PTAR1: variants seen among roughly 807,000 people sequenced by gnomAD.
PTAR1 encodes protein prenyltransferase alpha subunit repeat-containing protein 1.
PTAR1 carries 17 observed loss-of-function variants against 45.5 expected under a neutral mutation model. The observed-to-expected ratio is 0.37, with a 90% confidence interval of 0.26 to 0.56. The LOEUF is 0.56. PTAR1 is among the 20% of genes least tolerant of loss of function. PTAR1 has a pLI of 0.77. For missense variants in PTAR1, 391 were observed against 476.3 expected (o/e 0.82, Z 1.67); for synonymous variants, 169 against 171.3 (o/e 0.99, Z 0.11).
At chr9:69,722,170 G>C (rs1339123308) in intron 6 of PTAR1, among the ~76,000 whole-genome samples, 1 of 152,202 alleles carries the variant, frequency 6.6e-6, no homozygotes, top group Admixed American at 6.5e-5. Context: ...AGACAGACTA[G>C]ACTGGAGAAA....
chr9:69,725,925 C>T (rs535826380), intron 5 of PTAR1, among the ~76,000 whole-genome samples: 11 of 152,124 alleles, frequency 7.2e-5, no homozygotes, highest in Non-Finnish European at 1.5e-4. Context: ...CTTTCTTTTC[C>T]TACTTCCATA....
intron 6 of PTAR1, among the ~76,000 whole-genome samples, chr9:69,722,433 C>T (rs1301279125): frequency 6.6e-6 from 1 of 152,158 alleles, no homozygotes; most frequent in Non-Finnish European, 1.5e-5. Context: ...AGGTTGCTAA[C>T]CCTTTTTCAC....
intron 2 of PTAR1, among the ~76,000 whole-genome samples, chr9:69,746,919 T>C (rs1419477037): frequency 1.3e-5 from 2 of 152,202 alleles, no homozygotes; most frequent in Non-Finnish European, 2.9e-5. Flanking sequence ...CATCTAGAAA[T>C]AAATTCAAGG....
intron 2 of PTAR1, among the ~76,000 whole-genome samples, chr9:69,744,743 T>C (rs189086896): frequency 8.5e-5 from 13 of 152,308 alleles, no homozygotes; most frequent in African/African-American, 3.1e-4. Flanking sequence ...TCCTCTTAAC[T>C]GGACCACAAA....
chr9:69,718,412 G>C lies in PTAR1; in HGVS notation c.1139C>G (p.Thr380Ser), dbSNP rs766744781. The C allele has an allele frequency of 1.9e-6, 3 of 1,613,432 alleles. No homozygotes were observed. The highest frequency in any genetic ancestry group is 8.5e-7 in the Non-Finnish European group (1 of 1,179,628). Residue 380 changes from threonine (T) to serine (S), a missense_variant, in exon 8 of 8, where the codon ACC becomes AGC. By Grantham distance (58) the Thr-to-Ser change is moderately conservative (BLOSUM62 1). Coordinates refer to ENST00000340434, the MANE Select transcript of PTAR1 (RefSeq NM_001099666.2). Reference sequence around the variant, plus strand: ...CCTGGCTTGCTCCACGTTCCGACAGGTGGACAATACTTGATCAATGAACCT... The same window carrying C: ...CCTGGCTTGCTCCACGTTCCGACAGCTGGACAATACTTGATCAATGAACCT... ...EHRFIDQVLS[T>S]CRNVEQARFA...
chr9:69,752,416 G>A (rs564225873), intron 1 of PTAR1, among the ~76,000 whole-genome samples: 3 of 152,118 alleles, frequency 2.0e-5, no homozygotes, highest in Admixed American at 6.5e-5. Flanking sequence ...GTGGCACAGG[G>A]ATTTATCAAT....
chr9:69,722,285 C>A (rs1017175232), intron 6 of PTAR1, among the ~76,000 whole-genome samples: 1 of 152,090 alleles, frequency 6.6e-6, no homozygotes, highest in African/African-American at 2.4e-5. Context: ...AATGCTATGG[C>A]CTAAAGTAGA....
At chr9:69,734,339 T>C in intron 3 of PTAR1, 85 bp from the exon 4 acceptor site, 1 of 608,152 alleles carries the variant, frequency 1.6e-6, no homozygotes. Flanking sequence ...TTTAATATAA[T>C]CTCATTGTGA....
chr9:69,747,060 T>C (rs1026419745), intron 2 of PTAR1, among the ~76,000 whole-genome samples: 4 of 152,202 alleles, frequency 2.6e-5, no homozygotes, highest in East Asian at 3.8e-4. Context: ...ACAGAATCAA[T>C]AGCTAGACTA....
At chr9:69,755,499 C>A (rs887046008) in intron 1 of PTAR1, among the ~76,000 whole-genome samples, 2 of 152,168 alleles carry the variant, frequency 1.3e-5, no homozygotes, top group Non-Finnish European at 2.9e-5. Context: ...ACCAGCTTAC[C>A]TTCTGGGAGG....
intron 2 of PTAR1, 127 bp from the exon 3 acceptor site, chr9:69,741,985 T>G (rs991525024): frequency 1.6e-6 from 1 of 624,802 alleles, no homozygotes; most frequent in African/African-American, 1.8e-5. Context: ...CATACTAACT[T>G]TAATGATAAA....
At chr9:69,756,257 C>T (rs1826771726) in intron 1 of PTAR1, among the ~76,000 whole-genome samples, 1 of 152,052 alleles carries the variant, frequency 6.6e-6, no homozygotes, top group Non-Finnish European at 1.5e-5. Flanking sequence ...TTTCTTCACC[C>T]CTCATGTCTC....
At chr9:69,755,030 T>C (rs1373413076) in intron 1 of PTAR1, among the ~76,000 whole-genome samples, 2 of 152,200 alleles carry the variant, frequency 1.3e-5, no homozygotes, top group Non-Finnish European at 2.9e-5. Flanking sequence ...ATATCTCTAG[T>C]TATTTCTTTA....
In PTAR1 at chr9:69,754,529, T is replaced by C. The variant is rs545255184; in HGVS notation, c.87-3579A>G. Among the ~76,000 whole-genome samples, 527 of 137,010 alleles carry C rather than the reference T, an allele frequency of 3.8e-3. 5 individuals are homozygous for C. Among genetic ancestry groups the C allele is most frequent in the African/African-American group, 0.014 (500 of 36,082 alleles). 89.9% of individuals were successfully genotyped at this position (137,010 alleles called of 152,430 possible). On this transcript the variant is annotated intron_variant, in intron 1 of 7. Transcript: ENST00000340434. ...TTTGCTATTAACATGTTTGGGTATA[T>C]ATCTTTTTTTTTTTTTTTTTTTTTT...
intron 5 of PTAR1, among the ~76,000 whole-genome samples, chr9:69,725,361 G>A (rs916605130): frequency 3.3e-5 from 5 of 151,972 alleles, no homozygotes; most frequent in East Asian, 1.9e-4. Context: ...AGGCTGGGGC[G>A]GACGGATCAC....
intron 2 of PTAR1, among the ~76,000 whole-genome samples, chr9:69,750,360 T>C (rs1826468465): frequency 6.6e-6 from 1 of 152,064 alleles, no homozygotes; most frequent in Admixed American, 6.6e-5. Context: ...GCCTACATTA[T>C]CTCATTTGGA....
At chr9:69,739,960 C>A (rs1466817608) in intron 3 of PTAR1, among the ~76,000 whole-genome samples, 2 of 152,158 alleles carry the variant, frequency 1.3e-5, no homozygotes, top group Non-Finnish European at 2.9e-5. Flanking sequence ...ACCAACCAGA[C>A]ATATTTTTTT....
rs191836842 is a variant in PTAR1, at chr9:69,710,866, T to C, written c.*7476A>G. ...CATTTAAACATAAACTATAAGAAAATCTTAAAACAATATTGACGGCAGCTT... is the reference window on the plus strand; with the variant it reads ...CATTTAAACATAAACTATAAGAAAACCTTAAAACAATATTGACGGCAGCTT... On this transcript the variant is annotated 3_prime_UTR_variant, in exon 8 of 8. Coordinates refer to ENST00000340434, the MANE Select transcript of PTAR1 (RefSeq NM_001099666.2). 6.6e-6 allele frequency: 1 copy of C among 152,234 alleles called. No individual in the cohort carries two copies. The highest frequency in any genetic ancestry group is 1.9e-4 in the East Asian group (1 of 5,176). The allele number at this position is 152,234 out of a possible 1,614,324, so 9.4% of individuals were successfully genotyped here.
At chr9:69,729,252 G>A (rs1056320264) in intron 5 of PTAR1, among the ~76,000 whole-genome samples, 8 of 152,192 alleles carry the variant, frequency 5.3e-5, no homozygotes, top group East Asian at 3.9e-4. Context: ...CCTGGGAAGC[G>A]GAGGTTGCAG....
Sources: gnomAD v4.1 joint callset for allele counts (sites outside exome capture counted in the v4.1 genomes callset) on GRCh38, gnomAD v4.1.1 for gene constraint, MANE v1.5 for transcripts, NCBI Gene and HGNC (gene_info 2026-07-23, HGNC 2026-07-21) for gene names.